Variants in DNAH5 observed in about 807,000 individuals in gnomAD.
DNAH5 encodes axonemal beta dynein heavy chain 5.
In DNAH5, 372 loss-of-function variants were observed where a neutral mutation model predicts 518.2. The ratio of observed to expected loss-of-function variants is 0.72; its 90% CI spans 0.66 to 0.78. The LOEUF is 0.78. DNAH5 is among the 30% of genes least tolerant of loss of function. DNAH5 has a pLI of 0.00. For missense variants in DNAH5, 5,523 were observed against 5,687.0 expected, an observed-to-expected ratio of 0.97 and a Z score of 0.93; for synonymous variants, 2,039 against 2,025.9, an observed-to-expected ratio of 1.01 and a Z score of -0.17.
At chr5:13,853,423 A>C (rs547001698) in intron 30 of DNAH5, among the ~76,000 whole-genome samples, 1 of 152,322 alleles carries the variant, frequency 6.6e-6, no homozygotes, top group South Asian at 2.1e-4. Flanking sequence ...AAAAACCAGC[A>C]CAAAAAGACT....
chr5:14,001,673 C>CTT (rs546288163), intron 1 of DNAH5, among the ~76,000 whole-genome samples: 2,944 of 57,048 alleles, frequency 0.052, 94 homozygotes, highest in East Asian at 0.4. Flanking sequence ...TAGTTTTTTT[C>CTT]TTTTCTTTTT....
Position 13,812,611 on chromosome 5 carries a change from A to AT in DNAH5, c.7231-789dup, listed in dbSNP as rs930757922. On this transcript the variant is annotated intron_variant, in intron 43 of 78. Coordinates refer to ENST00000265104, the MANE Select transcript of DNAH5 (RefSeq NM_001369.3). The stretch of plus-strand genomic sequence containing the variant: ...ATGAGCCACTGTGCCTGGCCCCCAG[A>AT]TTTTTTTTTAACAGAAAACAAAGAT... 8.7e-4 allele frequency among the ~76,000 whole-genome samples: 132 copies of AT among 151,656 alleles called. 1 individual carries two copies. Among genetic ancestry groups the AT allele is most frequent in the African/African-American group, 2.9e-3 (120 of 41,396 alleles).
intron 22 of DNAH5, 118 bp from the exon 23 acceptor site, chr5:13,871,883 TG>T: frequency 1.1e-6 from 1 of 912,398 alleles, no homozygotes. Context: ...TTTAGTGAAC[TG>T]TGTGATTATC....
At position 13,714,384 on chromosome 5, in the gene DNAH5, G is replaced by A. The variant is rs746134622; in HGVS notation, c.13125+21C>T. On this transcript the variant is annotated intron_variant, in intron 75 of 78. Transcript: ENST00000265104. ...GATATGCAACCCCAGCTGACATTTT[G>A]TCAGGATTTCATCAACTCACTTCAA... 3.7e-5 allele frequency: 59 copies of A among 1,612,502 alleles called. 1 individual carries two copies. The East Asian group carries it at 1.1e-3, about 31-fold the overall frequency.
intron 1 of DNAH5, among the ~76,000 whole-genome samples, chr5:13,991,012 C>T (rs1783502808): frequency 6.6e-6 from 1 of 152,116 alleles, no homozygotes; most frequent in Non-Finnish European, 1.5e-5. Flanking sequence ...TCTAAAATCC[C>T]TCCTGCGGGC....
chr5:13,998,054 G>A (rs1784083513), intron 1 of DNAH5, among the ~76,000 whole-genome samples: 1 of 152,106 alleles, frequency 6.6e-6, no homozygotes, highest in Non-Finnish European at 1.5e-5. Context: ...ATGTTGGCCA[G>A]GCTGGTCTTG....
At chr5:13,728,436 C>A (rs908937307) in intron 69 of DNAH5, among the ~76,000 whole-genome samples, 1 of 152,058 alleles carries the variant, frequency 6.6e-6, no homozygotes, top group Non-Finnish European at 1.5e-5. Flanking sequence ...TTAGAAAGTA[C>A]CATGTAAGAA....
At chr5:13,922,681 T>C (rs1365557981) in intron 4 of DNAH5, among the ~76,000 whole-genome samples, 1 of 138,720 alleles carries the variant, frequency 7.2e-6, no homozygotes, top group African/African-American at 2.8e-5. Context: ...TGAGCCAAGA[T>C]GGCGCCACTG....
Position 13,917,344 on chromosome 5 carries a change from A to AT in DNAH5, c.976-89dup, listed in dbSNP as rs1224464316. The AT allele has an allele frequency of 1.4e-5, 13 of 913,084 alleles. No homozygotes were observed. The African/African-American group carries it at 2.1e-4, about 15-fold the overall frequency. The allele number at this position is 913,084 out of a possible 1,614,324, so 56.6% of individuals were successfully genotyped here. ...CACTGCTAAGAGTCACCACAAGTCC[A>AT]TTAGGCGAGACCTTCTGTCCATCTC... On this transcript the variant is annotated intron_variant, in intron 7 of 78. Transcript: ENST00000265104.
chr5:14,001,673 C>CTTT (rs546288163), intron 1 of DNAH5, among the ~76,000 whole-genome samples: 12 of 57,140 alleles, frequency 2.1e-4, no homozygotes, highest in East Asian at 4.3e-4. Flanking sequence ...TAGTTTTTTT[C>CTTT]TTTTCTTTTT....
intron 31 of DNAH5, among the ~76,000 whole-genome samples, chr5:13,849,069 A>G (rs1337132327): frequency 6.6e-6 from 1 of 152,182 alleles, no homozygotes; most frequent in Admixed American, 6.5e-5. Context: ...TTTTTTTTAT[A>G]TACTTTAAGT....
chr5:13,836,028 A>G (rs1764343708), intron 35 of DNAH5, among the ~76,000 whole-genome samples: 1 of 152,034 alleles, frequency 6.6e-6, no homozygotes, highest in South Asian at 2.1e-4. Flanking sequence ...CTTCAGGGTT[A>G]CTCCAGGGAG....
At chr5:13,943,865 A>G (rs915064956) in intron 1 of DNAH5, among the ~76,000 whole-genome samples, 2 of 152,208 alleles carry the variant, frequency 1.3e-5, no homozygotes, top group Non-Finnish European at 2.9e-5. Flanking sequence ...ATGCATTTGC[A>G]TAATAAAAAG....
chr5:13,805,913 T>G (rs1047116704), intron 47 of DNAH5, among the ~76,000 whole-genome samples: 2 of 152,122 alleles, frequency 1.3e-5, no homozygotes, highest in Non-Finnish European at 2.9e-5. Flanking sequence ...GGCAGTCTTG[T>G]GGGGACTCGG....
intron 23 of DNAH5, among the ~76,000 whole-genome samples, chr5:13,871,351 T>C (rs1335531547): frequency 6.6e-6 from 1 of 152,182 alleles, no homozygotes; most frequent in Non-Finnish European, 1.5e-5. Flanking sequence ...CTTAGTCTTT[T>C]TTTCAAGGTT....
At chr5:13,897,403 C>T (rs1774043983) in intron 15 of DNAH5, 1 of 152,140 alleles carries the variant, frequency 6.6e-6, no homozygotes, top group Non-Finnish European at 1.5e-5. Context: ...TACTCAACTG[C>T]TTTGACAAAA....
intron 12 of DNAH5, among the ~76,000 whole-genome samples, chr5:13,906,082 T>C (rs1205714964): frequency 1.3e-5 from 2 of 152,090 alleles, no homozygotes; most frequent in Non-Finnish European, 1.5e-5. Flanking sequence ...ACATAGACAG[T>C]AAAAAGATAG....
In DNAH5 at chr5:13,780,843, C is replaced by A; in HGVS notation, c.8937G>T (p.Gln2979His). The change falls in exon 53 of 79, where the codon CAG (glutamine) becomes CAT (histidine). Residue 2979 changes from glutamine (Q) to histidine (H), a missense_variant. Coordinates refer to ENST00000265104, the MANE Select transcript of DNAH5 (RefSeq NM_001369.3). Reference sequence around the variant, plus strand: ...AAGGTTGTCACCTCGTCAGAGTGATCTGGAAGGAAACGTAGCCAGCAATGA... The same window carrying A: ...AAGGTTGTCACCTCGTCAGAGTGATATGGAAGGAAACGTAGCCAGCAATGA... ...ASFIAGYVSFQITLTRSYNTS... is the reference protein window; with the variant it reads ...ASFIAGYVSFHITLTRSYNTS... The A allele has an allele frequency of 6.2e-7, 1 of 1,613,638 alleles. No individual in the cohort carries two copies. The highest frequency in any genetic ancestry group is 1.1e-5 in the South Asian group (1 of 91,062).
chr5:13,766,041 T>C lies in DNAH5; in HGVS notation c.10036A>G (p.Thr3346Ala), dbSNP rs141971313. 1.3e-4 allele frequency: 204 copies of C among 1,614,088 alleles called. No individual in the cohort carries two copies. The highest frequency in any genetic ancestry group is 3.2e-4 in the Admixed American group (19 of 59,998). Reference protein sequence around the residue: ...AVKIDLEKSCTMPSWQESLKL... With the variant: ...AVKIDLEKSCAMPSWQESLKL... ...AAGGATTCCTGCCAGGAGGGCATGGTACAGCTTTTTTCCAGGTCAATTTTC... is the reference window on the plus strand; with the variant it reads ...AAGGATTCCTGCCAGGAGGGCATGGCACAGCTTTTTTCCAGGTCAATTTTC... Residue 3346 changes from threonine to alanine, a missense_variant, in exon 59 of 79, where the codon ACC (threonine) becomes GCC (alanine). Physicochemically the swap from Thr to Ala is moderately conservative, Grantham distance 58. Transcript: ENST00000265104.
Sources: allele counts gnomAD v4.1 joint callset (sites outside exome capture counted in the v4.1 genomes callset), GRCh38; gene constraint gnomAD v4.1.1; transcripts MANE v1.5; gene names NCBI Gene and HGNC (gene_info 2026-07-23, HGNC 2026-07-21).